Variants in WIPF3 observed in about 807,000 individuals in gnomAD.
WIPF3 encodes the protein WAS/WASL interacting protein family member 3, also known as WAS/WASL-interacting protein family member 3.
WIPF3 carries 33 observed loss-of-function variants against 38.9 expected under a neutral mutation model. The ratio of observed to expected loss-of-function variants is 0.85; its 90% CI spans 0.64 to 1.14. The LOEUF (loss-of-function observed/expected upper bound fraction) is 1.14, where lower values mean the gene tolerates loss of function less well. WIPF3 is among the 50% of genes most tolerant of loss of function. The pLI, the probability that WIPF3 is intolerant of heterozygous loss-of-function variation, is 0.00. For missense variants in WIPF3, 711 were observed against 652.5 expected, an observed-to-expected ratio of 1.09 and a Z score of -0.98; for synonymous variants, 324 against 269.3, an observed-to-expected ratio of 1.20 and a Z score of -1.99.
At chr7:29,848,330 T>C (rs1383862861) in intron 2 of WIPF3, among the ~76,000 whole-genome samples, 2 of 152,192 alleles carry the variant, frequency 1.3e-5, no homozygotes, top group Admixed American at 1.3e-4. Context: ...TAAGCTGCCG[T>C]TGGTTCGTCA....
intron 8 of WIPF3, among the ~76,000 whole-genome samples, chr7:29,908,163 A>G (rs1230397687): frequency 6.6e-6 from 1 of 152,242 alleles, no homozygotes; most frequent in Non-Finnish European, 1.5e-5. Context: ...AAGGATGGAA[A>G]GAGATATTCC....
intron 1 of WIPF3, among the ~76,000 whole-genome samples, chr7:29,813,154 C>T (rs1228826343): frequency 1.3e-5 from 2 of 152,202 alleles, no homozygotes; most frequent in African/African-American, 4.8e-5. Context: ...CCCAGACATC[C>T]AATCTGATTT....
intron 8 of WIPF3, among the ~76,000 whole-genome samples, chr7:29,913,542 T>C (rs1394487948): frequency 6.6e-6 from 1 of 152,210 alleles, no homozygotes; most frequent in African/African-American, 2.4e-5. Flanking sequence ...GAAAATATAG[T>C]AATAATCATA....
intron 8 of WIPF3, among the ~76,000 whole-genome samples, chr7:29,913,839 A>G (rs572732427): frequency 6.6e-6 from 1 of 152,318 alleles, no homozygotes; most frequent in African/African-American, 2.4e-5. Context: ...CGTGTCACAC[A>G]CTGTGCAGGA....
At chr7:29,883,255 T>A (rs889285609) in intron 4 of WIPF3, among the ~76,000 whole-genome samples, 1 of 152,154 alleles carries the variant, frequency 6.6e-6, no homozygotes, top group Non-Finnish European at 1.5e-5. Flanking sequence ...CTTCCAGAGG[T>A]CATAGAACTG....
chr7:29,898,942 A>T (rs971186485), intron 7 of WIPF3, among the ~76,000 whole-genome samples: 1 of 152,200 alleles, frequency 6.6e-6, no homozygotes, highest in Non-Finnish European at 1.5e-5. Flanking sequence ...TCAGGCTGCC[A>T]TAACAAAATA....
intron 1 of WIPF3, among the ~76,000 whole-genome samples, chr7:29,813,111 AG>A (rs1425206659): frequency 6.6e-6 from 1 of 152,204 alleles, no homozygotes; most frequent in Non-Finnish European, 1.5e-5. Context: ...CAAGGACCCA[AG>A]GGGTCACCCC....
At chr7:29,894,418 G>A (rs1269457160) in intron 7 of WIPF3, among the ~76,000 whole-genome samples, 1 of 152,180 alleles carries the variant, frequency 6.6e-6, no homozygotes, top group Non-Finnish European at 1.5e-5. Context: ...AAGGGCAAGT[G>A]CAATTTCAAA....
intron 5 of WIPF3, 34 bp from the exon 6 acceptor site, chr7:29,888,034 G>A (rs576200053): frequency 1.2e-5 from 20 of 1,613,070 alleles, no homozygotes; most frequent in Admixed American, 3.3e-5. Flanking sequence ...ATTCCCATCC[G>A]TGTTTCTGAG....
intron 7 of WIPF3, among the ~76,000 whole-genome samples, chr7:29,903,639 G>T (rs936528508): frequency 3.3e-5 from 5 of 151,930 alleles, no homozygotes; most frequent in African/African-American, 1.2e-4. Flanking sequence ...TTTAAGCTTG[G>T]GTAGACCAAC....
chr7:29,883,630 T>G (rs1263307471), intron 4 of WIPF3, among the ~76,000 whole-genome samples: 2 of 152,128 alleles, frequency 1.3e-5, no homozygotes, highest in Non-Finnish European at 2.9e-5. Flanking sequence ...AGGCCTGACC[T>G]GGGCTTGTCA....
At chr7:29,818,322 A>C (rs528731735) in intron 1 of WIPF3, among the ~76,000 whole-genome samples, 5 of 152,114 alleles carry the variant, frequency 3.3e-5, no homozygotes, top group Admixed American at 3.3e-4. Flanking sequence ...GGGTGGTGGC[A>C]CATGCCTGTA....
At chr7:29,838,318 G>T (rs943890837) in intron 2 of WIPF3, among the ~76,000 whole-genome samples, 5 of 152,072 alleles carry the variant, frequency 3.3e-5, no homozygotes, top group African/African-American at 9.7e-5. Flanking sequence ...GATACAATTT[G>T]TCAGTAAAAA....
At chr7:29,895,910 T>A (rs1786133805) in intron 7 of WIPF3, among the ~76,000 whole-genome samples, 1 of 152,148 alleles carries the variant, frequency 6.6e-6, no homozygotes, top group Non-Finnish European at 1.5e-5. Flanking sequence ...GGACACGTAT[T>A]CAAACTATAT....
At chr7:29,855,675 G>T (rs141237373) in intron 2 of WIPF3, among the ~76,000 whole-genome samples, 4 of 152,132 alleles carry the variant, frequency 2.6e-5, no homozygotes, top group Admixed American at 2.6e-4. Flanking sequence ...TTAGCCTCAG[G>T]GGGACTTAGT....
chr7:29,868,340 G>A (rs1260625732), intron 2 of WIPF3, among the ~76,000 whole-genome samples: 5 of 152,062 alleles, frequency 3.3e-5, no homozygotes, highest in African/African-American at 1.2e-4. Flanking sequence ...GATATCTTGG[G>A]ACAGTATGGC....
intron 1 of WIPF3, among the ~76,000 whole-genome samples, chr7:29,821,118 T>A (rs1784530687): frequency 6.6e-6 from 1 of 152,150 alleles, no homozygotes; most frequent in South Asian, 2.1e-4. Context: ...GAAACACACA[T>A]TTTGCATGTT....
intron 5 of WIPF3, among the ~76,000 whole-genome samples, 166 bp from the exon 6 acceptor site, chr7:29,887,902 C>A (rs1436328378): frequency 6.6e-6 from 1 of 152,238 alleles, no homozygotes; most frequent in African/African-American, 2.4e-5. Flanking sequence ...CTTATCCCAA[C>A]AGGAGAACTG....
intron 8 of WIPF3, 72 bp from the exon 9 acceptor site, chr7:29,914,421 G>A (rs770653048): frequency 1.6e-6 from 2 of 1,256,800 alleles, no homozygotes; most frequent in Non-Finnish European, 2.1e-6. Flanking sequence ...GTTTGGGGGG[G>A]TGGAGGAGGA....
Sources: gnomAD v4.1 joint callset for allele counts (sites outside exome capture counted in the v4.1 genomes callset) on GRCh38, gnomAD v4.1.1 for gene constraint, MANE v1.5 for transcripts, NCBI Gene and HGNC (gene_info 2026-07-23, HGNC 2026-07-21) for gene names.